Variants in VAT1L observed in about 807,000 individuals in gnomAD.
VAT1L encodes putative NADPH-dependent quinone oxidoreductase VAT1L.
A neutral mutation model predicts 44.1 loss-of-function variants in VAT1L; 34 were observed. That is an observed-to-expected ratio of 0.77 (90% CI 0.59 to 1.03). The LOEUF (loss-of-function observed/expected upper bound fraction) is 1.03. Among genes scored for constraint, VAT1L ranks in the 50% least tolerant of loss-of-function variants. VAT1L has a pLI of 0.00. For missense variants in VAT1L, 615 were observed against 538.8 expected (o/e 1.14, Z -1.40); for synonymous variants, 253 against 202.2 (o/e 1.25, Z -2.13).
At chr16:77,914,066 G>C (rs2017525881) in intron 7 of VAT1L, among the ~76,000 whole-genome samples, 1 of 152,154 alleles carries the variant, frequency 6.6e-6, no homozygotes, top group African/African-American at 2.4e-5. Context: ...TTTTACTGCA[G>C]CCCAGAATCA....
At chr16:77,956,309 C>T (rs765272919) in intron 7 of VAT1L, among the ~76,000 whole-genome samples, 2 of 152,160 alleles carry the variant, frequency 1.3e-5, no homozygotes, top group African/African-American at 2.4e-5. Context: ...CTCATCTCGA[C>T]TCTCCTCCTT....
intron 1 of VAT1L, 105 bp downstream of exon 1, chr16:77,789,020 G>C: frequency 7.6e-7 from 1 of 1,319,910 alleles, no homozygotes; most frequent in Non-Finnish European, 1.0e-6. Flanking sequence ...GAACCGCCGC[G>C]CGCACCCCCT....
intron 7 of VAT1L, among the ~76,000 whole-genome samples, chr16:77,950,047 T>A (rs1360029606): frequency 6.6e-6 from 1 of 152,216 alleles, no homozygotes; most frequent in Non-Finnish European, 1.5e-5. Flanking sequence ...AGCTGGTGGT[T>A]GCCTCATAAT....
intron 7 of VAT1L, among the ~76,000 whole-genome samples, chr16:77,960,779 T>C (rs958291117): frequency 6.6e-6 from 1 of 152,072 alleles, no homozygotes; most frequent in Non-Finnish European, 1.5e-5. Context: ...TCAGCCCTGA[T>C]TGAGGCTTCC....
rs141558365 is a variant in VAT1L at position 77,932,295 on chromosome 16, C to T, written c.1078-39555C>T. 4.6e-5 allele frequency among the ~76,000 whole-genome samples: 7 copies of T among 151,850 alleles called. No homozygotes were observed. In the East Asian group the frequency reaches 9.7e-4, roughly 21 times the overall value. On this transcript the variant is annotated intron_variant, in intron 7 of 8. Transcript: ENST00000302536. ...ATTTTTTTGTATTTTTTAGTAGAGA[C>T]GGGGTTTCACCGTGTTAGCCAGGAT...
Position 77,788,815 on chromosome 16 carries a change from G to A in VAT1L, c.133G>A (p.Val45Met), listed in dbSNP as rs1257267795. Reference sequence around the variant, plus strand: ...CGGGGACGCCCAGGAGATGCGCGCGGTGGTGCTGGCTGGCTTCGGGGGGCT... The same window carrying A: ...CGGGGACGCCCAGGAGATGCGCGCGATGGTGCTGGCTGGCTTCGGGGGGCT... ...RLGDAQEMRA[V>M]VLAGFGGLNK... Residue 45 changes from valine to methionine, a missense_variant, in exon 1 of 9, where the codon GTG becomes ATG. Val to Met is a conservative substitution (Grantham distance 21, BLOSUM62 1). Coordinates refer to ENST00000302536, the MANE Select transcript of VAT1L (RefSeq NM_020927.3). 1.3e-6 allele frequency: 2 copies of A among 1,577,520 alleles called. No homozygotes were observed. The highest frequency in any genetic ancestry group is 1.2e-5 in the South Asian group (1 of 85,772).
rs1191217796 is a variant in VAT1L at position 77,855,487 on chromosome 16, T to A, written c.580-7261T>A. On this transcript the variant is annotated intron_variant, in intron 3 of 8. Coordinates refer to ENST00000302536, the MANE Select transcript of VAT1L (RefSeq NM_020927.3). Reference sequence around the variant, plus strand: ...GACATGCCCACACACTCCACTTTAATGCATGCCCTTCATTGTCTGCATATG... The same window carrying A: ...GACATGCCCACACACTCCACTTTAAAGCATGCCCTTCATTGTCTGCATATG... Among the ~76,000 whole-genome samples the A allele has an allele frequency of 2.6e-5, 4 of 152,306 alleles. No homozygotes were observed. In the South Asian group the frequency reaches 8.3e-4, roughly 32 times the overall value.
At chr16:77,827,843 T>C (rs2016540635) in intron 3 of VAT1L, among the ~76,000 whole-genome samples, 1 of 152,196 alleles carries the variant, frequency 6.6e-6, no homozygotes, top group South Asian at 2.1e-4. Context: ...ACAAAGCTGT[T>C]ATAGTAAATG....
At chr16:77,932,558 A>G (rs2017745144) in intron 7 of VAT1L, among the ~76,000 whole-genome samples, 1 of 152,210 alleles carries the variant, frequency 6.6e-6, no homozygotes, top group Admixed American at 6.5e-5. Flanking sequence ...AGTTCACAAG[A>G]TTTTGGTGTC....
chr16:77,869,929 C>G (rs1451702921), intron 4 of VAT1L, among the ~76,000 whole-genome samples: 2 of 152,166 alleles, frequency 1.3e-5, no homozygotes, highest in Non-Finnish European at 2.9e-5. Flanking sequence ...AGACCGAACT[C>G]CTGCACTTCT....
At chr16:77,949,956 A>G (rs147937974) in intron 7 of VAT1L, among the ~76,000 whole-genome samples, 1 of 152,318 alleles carries the variant, frequency 6.6e-6, no homozygotes, top group African/African-American at 2.4e-5. Flanking sequence ...TTCTAATGAA[A>G]GATTCCAGAT....
At position 77,847,411 on chromosome 16, in the gene VAT1L, G is replaced by A. The variant is rs531357264; in HGVS notation, c.580-15337G>A. Among the ~76,000 whole-genome samples the A allele has an allele frequency of 2.1e-3, 326 of 152,262 alleles. 1 individual carries two copies. The highest frequency in any genetic ancestry group is 3.6e-3 in the Non-Finnish European group (246 of 68,026). ...CGTATAAACCTGTGGTCCTGGAAAC[G>A]TATTGCCCTCATCCTGTGCTAGCTG... On this transcript the variant is annotated intron_variant, in intron 3 of 8. Coordinates refer to ENST00000302536, the MANE Select transcript of VAT1L (RefSeq NM_020927.3).
intron 8 of VAT1L, among the ~76,000 whole-genome samples, chr16:77,972,551 C>T (rs1033066966): frequency 1.3e-5 from 2 of 152,090 alleles, no homozygotes; most frequent in Non-Finnish European, 2.9e-5. Flanking sequence ...GAGGCTGAGG[C>T]GGGTGGATCA....
rs2018360942 is a variant in VAT1L at position 77,978,098 on chromosome 16, T to G, written c.*403T>G. ...CAGCTCCTAGAATTCCTCAGGCCAGTGACACTTTTTTGCTGCTGGCCACCC... is the reference window on the plus strand; with the variant it reads ...CAGCTCCTAGAATTCCTCAGGCCAGGGACACTTTTTTGCTGCTGGCCACCC... On this transcript the variant is annotated 3_prime_UTR_variant, in exon 9 of 9. Coordinates refer to ENST00000302536, the MANE Select transcript of VAT1L (RefSeq NM_020927.3). The G allele has an allele frequency of 6.1e-6, 1 of 164,446 alleles. No homozygotes were observed. The highest frequency in any genetic ancestry group is 1.3e-5 in the Non-Finnish European group (1 of 74,772). The allele number at this position is 164,446 out of a possible 1,614,324, so 10.2% of individuals were successfully genotyped here. A position where few individuals can be genotyped will look rare whatever the true frequency, so the allele number is the denominator to read the frequency against.
intron 7 of VAT1L, among the ~76,000 whole-genome samples, chr16:77,928,611 T>C (rs976480472): frequency 6.6e-6 from 1 of 152,212 alleles, no homozygotes; most frequent in African/African-American, 2.4e-5. Flanking sequence ...ACCATAGTGA[T>C]ATTTAAAGAA....
Position 77,977,738 on chromosome 16 carries a change from T to C in VAT1L, c.*43T>C, listed in dbSNP as rs745531725. 2.5e-6 allele frequency: 4 copies of C among 1,585,630 alleles called. No individual in the cohort carries two copies. The highest frequency in any genetic ancestry group is 1.7e-5 in the Admixed American group (1 of 57,876). On this transcript the variant is annotated 3_prime_UTR_variant, in exon 9 of 9. Coordinates refer to ENST00000302536, the MANE Select transcript of VAT1L (RefSeq NM_020927.3). Reference sequence around the variant, plus strand: ...AGAATGTGAAGGATGGTTTGGAAGATGAGGACCCGGCTGAGAAAACTCTTC... The same window carrying C: ...AGAATGTGAAGGATGGTTTGGAAGACGAGGACCCGGCTGAGAAAACTCTTC...
At chr16:77,899,914 T>C (rs2017362757) in intron 7 of VAT1L, among the ~76,000 whole-genome samples, 1 of 152,226 alleles carries the variant, frequency 6.6e-6, no homozygotes, top group Admixed American at 6.5e-5. Context: ...AATTACCAAC[T>C]AGTTAGGCTC....
At chr16:77,960,566 A>G (rs1267651756) in intron 7 of VAT1L, among the ~76,000 whole-genome samples, 3 of 152,204 alleles carry the variant, frequency 2.0e-5, no homozygotes, top group Admixed American at 6.5e-5. Context: ...CAAGGCAGGA[A>G]TGAAAGGGGA....
chr16:77,804,151 A>T (rs1454627630), intron 1 of VAT1L, among the ~76,000 whole-genome samples: 1 of 152,202 alleles, frequency 6.6e-6, no homozygotes, highest in Non-Finnish European at 1.5e-5. Context: ...TTTCAATTGG[A>T]TGACATTAAA....
Sources: gnomAD v4.1 joint callset for allele counts (sites outside exome capture counted in the v4.1 genomes callset) on GRCh38, gnomAD v4.1.1 for gene constraint, MANE v1.5 for transcripts, NCBI Gene and HGNC (gene_info 2026-07-23, HGNC 2026-07-21) for gene names.